The following SPATA16 variants were observed in gnomAD, a reference collection of about 807,000 sequenced individuals.
SPATA16 encodes spermatogenesis-associated protein 16.
In SPATA16, 36 loss-of-function variants were observed where a neutral mutation model predicts 63.3. That is an observed-to-expected ratio of 0.57 (90% CI 0.44 to 0.75). The LOEUF is 0.75. SPATA16 is among the 30% of genes least tolerant of loss of function. The pLI, the probability that SPATA16 is intolerant of heterozygous loss-of-function variation, is 0.00. For synonymous variants in SPATA16, 203 were observed against 216.7 expected (o/e 0.94, Z 0.56); for missense variants, 646 against 679.3 (o/e 0.95, Z 0.54).
intron 5 of SPATA16, among the ~76,000 whole-genome samples, chr3:172,960,288 A>G (rs890292954): frequency 2.0e-4 from 31 of 152,316 alleles, no homozygotes; most frequent in South Asian, 2.1e-4. Context: ...AACTTCTCTG[A>G]TGTCAGTAAA....
At chr3:172,949,269 C>A (rs1312377069) in intron 6 of SPATA16, among the ~76,000 whole-genome samples, 1 of 149,656 alleles carries the variant, frequency 6.7e-6, no homozygotes, top group South Asian at 2.1e-4. Context: ...TGGGGCTCTA[C>A]TTTAGTTGTA....
At chr3:172,926,624 C>T (rs568011357) in intron 6 of SPATA16, among the ~76,000 whole-genome samples, 3 of 152,294 alleles carry the variant, frequency 2.0e-5, no homozygotes, top group South Asian at 4.1e-4. Context: ...TCTTCAAGAT[C>T]GCTTGGCACT....
At chr3:172,978,258 C>T (rs1485127695) in intron 4 of SPATA16, among the ~76,000 whole-genome samples, 2 of 151,564 alleles carry the variant, frequency 1.3e-5, no homozygotes, top group African/African-American at 4.9e-5. Flanking sequence ...ATTTAAGAAT[C>T]CTTTTATATT....
chr3:172,914,928 G>T (rs1732446105), intron 9 of SPATA16, among the ~76,000 whole-genome samples: 1 of 151,874 alleles, frequency 6.6e-6, no homozygotes, highest in African/African-American at 2.4e-5. Flanking sequence ...TAAGTGCAGA[G>T]AATTCCCCTG....
intron 9 of SPATA16, 69 bp downstream of exon 9, chr3:172,916,248 T>TTC: frequency 3.9e-6 from 6 of 1,538,986 alleles, no homozygotes; most frequent in South Asian, 3.4e-5. Flanking sequence ...TTTTTTTTTT[T>TTC]CCCCAGACCA....
At chr3:173,011,571 G>A (rs1355359139) in intron 4 of SPATA16, among the ~76,000 whole-genome samples, 1 of 152,116 alleles carries the variant, frequency 6.6e-6, no homozygotes, top group Non-Finnish European at 1.5e-5. Context: ...AAGTATGCCA[G>A]CTCTTATTCA....
intron 2 of SPATA16, among the ~76,000 whole-genome samples, chr3:173,111,680 G>C (rs1737753090): frequency 6.6e-6 from 1 of 152,214 alleles, no homozygotes; most frequent in African/African-American, 2.4e-5. Context: ...AGGTGAGGCT[G>C]CCCTATAATG....
intron 8 of SPATA16, among the ~76,000 whole-genome samples, chr3:172,920,417 C>T (rs1035125119): frequency 6.6e-6 from 1 of 152,168 alleles, no homozygotes; most frequent in Non-Finnish European, 1.5e-5. Context: ...GTAAAGAAAA[C>T]TTCTTGACTA....
At chr3:173,024,803 T>C (rs1253063221) in intron 3 of SPATA16, among the ~76,000 whole-genome samples, 1 of 150,814 alleles carries the variant, frequency 6.6e-6, no homozygotes, top group Admixed American at 6.6e-5. Context: ...TATTAATCAA[T>C]ATTTGTCCTC....
chr3:172,927,215 T>C (rs1732758793), intron 6 of SPATA16, among the ~76,000 whole-genome samples: 1 of 152,212 alleles, frequency 6.6e-6, no homozygotes, highest in Non-Finnish European at 1.5e-5. Flanking sequence ...ACTACTGAAC[T>C]CTGTTCTATA....
chr3:172,992,631 A>G (rs985352936), intron 4 of SPATA16, among the ~76,000 whole-genome samples: 10 of 152,164 alleles, frequency 6.6e-5, no homozygotes, highest in African/African-American at 2.4e-4. Context: ...CTGAGTTTAT[A>G]TAATCCACTT....
intron 4 of SPATA16, among the ~76,000 whole-genome samples, chr3:173,000,335 G>C (rs1490318877): frequency 6.6e-6 from 1 of 152,152 alleles, no homozygotes; most frequent in Non-Finnish European, 1.5e-5. Context: ...TTTTGTTAGA[G>C]TAACCCAAAT....
At chr3:173,061,614 A>G (rs573756883) in intron 2 of SPATA16, among the ~76,000 whole-genome samples, 1 of 152,336 alleles carries the variant, frequency 6.6e-6, no homozygotes, top group East Asian at 1.9e-4. Flanking sequence ...GGGTATTGCA[A>G]TTAATAGTTT....
At chr3:172,998,353 G>C (rs73175098) in intron 4 of SPATA16, among the ~76,000 whole-genome samples, 9 of 152,108 alleles carry the variant, frequency 5.9e-5, no homozygotes, top group African/African-American at 1.9e-4. Context: ...GATTATTGCT[G>C]GTTATAGGAA....
intron 2 of SPATA16, among the ~76,000 whole-genome samples, chr3:173,072,864 A>C (rs1736705942): frequency 6.6e-6 from 1 of 152,234 alleles, no homozygotes; most frequent in Non-Finnish European, 1.5e-5. Flanking sequence ...TCAGAAGAAG[A>C]CTAGAAAATG....
chr3:172,957,509 T>C (rs558753232), intron 5 of SPATA16, among the ~76,000 whole-genome samples: 1 of 152,314 alleles, frequency 6.6e-6, no homozygotes, highest in South Asian at 2.1e-4. Flanking sequence ...GTAACAGACC[T>C]AAAAGAAAGT....
chr3:173,108,973 G>A (rs1737684475), intron 2 of SPATA16, among the ~76,000 whole-genome samples: 1 of 152,112 alleles, frequency 6.6e-6, no homozygotes, highest in South Asian at 2.1e-4. Flanking sequence ...TTCTCAGAAT[G>A]TATCTCTATT....
At chr3:172,935,412 T>A (rs895016732) in intron 6 of SPATA16, among the ~76,000 whole-genome samples, 4 of 152,234 alleles carry the variant, frequency 2.6e-5, no homozygotes, top group Non-Finnish European at 1.5e-5. Context: ...TGCAGTATAT[T>A]GTAAACAATG....
chr3:173,103,272 C>T (rs1737537691), intron 2 of SPATA16, among the ~76,000 whole-genome samples: 1 of 152,198 alleles, frequency 6.6e-6, no homozygotes, highest in African/African-American at 2.4e-5. Context: ...GCCCCCTTTC[C>T]ATAGCTCCAC....
Sources: gnomAD v4.1 joint callset for allele counts (sites outside exome capture counted in the v4.1 genomes callset) on GRCh38, gnomAD v4.1.1 for gene constraint, MANE v1.5 for transcripts, NCBI Gene and HGNC (gene_info 2026-07-23, HGNC 2026-07-21) for gene names.